The following MAP3K9 variants were observed in gnomAD, a reference collection of about 807,000 sequenced individuals.
MAP3K9 encodes the protein mixed lineage kinase 1 (tyr and ser/thr specificity).
A neutral mutation model predicts 95.8 loss-of-function variants in MAP3K9; 46 were observed. That is an observed-to-expected ratio of 0.48 (90% CI 0.38 to 0.61). The LOEUF (loss-of-function observed/expected upper bound fraction) is 0.61, where lower values mean the gene tolerates loss of function less well. MAP3K9 is among the 20% of genes least tolerant of loss of function. MAP3K9 has a pLI of 0.00. For missense variants in MAP3K9, 1,296 were observed against 1,474.3 expected (o/e 0.88, Z 1.98); for synonymous variants, 533 against 593.8 (o/e 0.90, Z 1.49).
intron 2 of MAP3K9, among the ~76,000 whole-genome samples, chr14:70,788,040 T>C (rs1231392395): frequency 1.3e-5 from 2 of 152,226 alleles, no homozygotes; most frequent in Non-Finnish European, 2.9e-5. Flanking sequence ...GACAAAAAGA[T>C]ACTTAATCGC....
chr14:70,758,623 A>G (rs1225311955), intron 3 of MAP3K9, among the ~76,000 whole-genome samples: 1 of 152,228 alleles, frequency 6.6e-6, no homozygotes, highest in Non-Finnish European at 1.5e-5. Flanking sequence ...TAGCAGCATT[A>G]TTTATAACAG....
intron 2 of MAP3K9, among the ~76,000 whole-genome samples, chr14:70,795,515 T>C (rs943719086): frequency 1.3e-5 from 2 of 149,984 alleles, no homozygotes; most frequent in Non-Finnish European, 3.0e-5. Context: ...TTTTGTTGTG[T>C]TGCCTAGGCT....
At chr14:70,783,774 G>A (rs1475210953) in intron 2 of MAP3K9, among the ~76,000 whole-genome samples, 1 of 152,180 alleles carries the variant, frequency 6.6e-6, no homozygotes, top group African/African-American at 2.4e-5. Flanking sequence ...AAATTCAGCT[G>A]CAAAGAAACA....
Position 70,745,961 on chromosome 14 carries a change from T to C in MAP3K9, c.1326+2868A>G, listed in dbSNP as rs554637268. Among the ~76,000 whole-genome samples, 16 of 152,322 alleles carry C rather than the reference T, an allele frequency of 1.1e-4. 1 individual carries two copies. Among genetic ancestry groups the C allele is most frequent in the African/African-American group, 3.6e-4 (15 of 41,576 alleles). ...TCCTGAGAGTTGAACTTGAACTACT[T>C]CTTCCTTGATGAAATAAACCTCAAA... On this transcript the variant is annotated intron_variant, in intron 5 of 11. Coordinates refer to ENST00000554752, the MANE Select transcript of MAP3K9 (RefSeq NM_001284230.2).
At chr14:70,749,124 G>T in intron 4 of MAP3K9, 120 bp from the exon 5 acceptor site, 1 of 972,486 alleles carries the variant, frequency 1.0e-6, no homozygotes, top group Non-Finnish European at 1.5e-6. Context: ...CAGAAACAGA[G>T]ATCAGAATTT....
In MAP3K9 at chr14:70,801,077, A is replaced by G. The variant is rs201937853; in HGVS notation, c.410T>C (p.Leu137Ser). Residue 137 changes from leucine (L) to serine (S), a missense_variant, in exon 2 of 12, where the codon TTA becomes TCA. Around this residue, in one of 5 missense-constraint regions of MAP3K9, gnomAD observed 338 missense variants for 363.4 expected, o/e 0.93. Coordinates refer to ENST00000554752, the MANE Select transcript of MAP3K9 (RefSeq NM_001284230.2). Reference protein sequence around the residue: ...DPSCYPPIQLLEIDFAELTLE... With the variant: ...DPSCYPPIQLSEIDFAELTLE... ...GGTGAGCTCCGCAAAATCAATTTCTAACACTGAGAAAGGGAAGAAAAAAAG... is the reference window on the plus strand; with the variant it reads ...GGTGAGCTCCGCAAAATCAATTTCTGACACTGAGAAAGGGAAGAAAAAAAG... 1.2e-6 allele frequency: 2 copies of G among 1,600,906 alleles called. No individual in the cohort carries two copies. The highest frequency in any genetic ancestry group is 2.7e-5 in the African/African-American group (2 of 74,560).
intron 9 of MAP3K9, 66 bp from the exon 10 acceptor site, chr14:70,734,564 T>TAGACCCATGGAGCTGA: frequency 1.1e-6 from 1 of 871,298 alleles, no homozygotes; most frequent in Non-Finnish European, 1.9e-6. Flanking sequence ...CTCAGCTCCA[T>TAGACCCATGGAGCTGA]GGGTCTATGG....
At chr14:70,787,090 G>C (rs889405908) in intron 2 of MAP3K9, among the ~76,000 whole-genome samples, 5 of 152,078 alleles carry the variant, frequency 3.3e-5, no homozygotes, top group African/African-American at 1.2e-4. Context: ...AGTTGTATCT[G>C]CACACTGGAA....
At chr14:70,808,737 C>A in intron 1 of MAP3K9, 29 bp downstream of exon 1, 2 of 1,438,464 alleles carry the variant, frequency 1.4e-6, no homozygotes, top group Non-Finnish European at 1.8e-6. Flanking sequence ...GTCATTCCCC[C>A]TCCCCGCCCG....
At chr14:70,767,374 A>G (rs1413092255) in intron 2 of MAP3K9, among the ~76,000 whole-genome samples, 2 of 108,658 alleles carry the variant, frequency 1.8e-5, no homozygotes, top group Non-Finnish European at 3.6e-5. Flanking sequence ...ACAGAGTGAC[A>G]CTCAGTCTCA....
chr14:70,774,417 G>A (rs933513946), intron 2 of MAP3K9, among the ~76,000 whole-genome samples: 4 of 152,202 alleles, frequency 2.6e-5, no homozygotes, highest in Admixed American at 2.0e-4. Context: ...TGTAATCTCA[G>A]CACTTTGGGA....
In MAP3K9 at chr14:70,809,195, G is replaced by C. The variant is rs1351975511; in HGVS notation, c.-24C>G. 2 of 1,297,016 alleles carry C rather than the reference G, an allele frequency of 1.5e-6. No homozygotes were observed. Among genetic ancestry groups the C allele is most frequent in the Non-Finnish European group, 1.9e-6 (2 of 1,029,082 alleles). The allele number at this position is 1,297,016 out of a possible 1,614,324, so 80.3% of individuals were successfully genotyped here. A position where few individuals can be genotyped will look rare whatever the true frequency, so the allele number is the denominator to read the frequency against. On this transcript the variant is annotated 5_prime_UTR_variant, in exon 1 of 12. Coordinates refer to ENST00000554752, the MANE Select transcript of MAP3K9 (RefSeq NM_001284230.2). ...ATGGAGCGGCCGATCCATAGGGTGC[G>C]GGGCCGCCGCCGCCCGCAGGAGCCG...
At chr14:70,764,496 T>C (rs2054422293) in intron 2 of MAP3K9, among the ~76,000 whole-genome samples, 2 of 151,562 alleles carry the variant, frequency 1.3e-5, no homozygotes, top group South Asian at 4.2e-4. Context: ...CTATGCCATG[T>C]CCCCTTTAGG....
At chr14:70,796,943 G>A (rs755938478) in intron 2 of MAP3K9, among the ~76,000 whole-genome samples, 5 of 152,170 alleles carry the variant, frequency 3.3e-5, no homozygotes, top group Non-Finnish European at 5.9e-5. Flanking sequence ...TTGGCTTTTC[G>A]GGCTACGTAC....
At chr14:70,772,837 T>C (rs575793051) in intron 2 of MAP3K9, among the ~76,000 whole-genome samples, 1 of 152,332 alleles carries the variant, frequency 6.6e-6, no homozygotes, top group East Asian at 1.9e-4. Context: ...AAGTAGGTAC[T>C]ATAACTATGC....
In MAP3K9 at chr14:70,798,471, G is replaced by GTTTTTTTTTTTTT. The variant is rs1170327816; in HGVS notation, c.820+2183_820+2195dup. Among the ~76,000 whole-genome samples, 28 of 65,434 alleles carry GTTTTTTTTTTTTT rather than the reference G, an allele frequency of 4.3e-4. 5 individuals carry two copies. The highest frequency in any genetic ancestry group is 5.7e-4 in the Non-Finnish European group (21 of 36,522). 42.9% of individuals were successfully genotyped at this position (65,434 alleles called of 152,430 possible). A position where few individuals can be genotyped will look rare whatever the true frequency, so the allele number is the denominator to read the frequency against. ...TTACTTTGAAAAGAGGTCACCAAAAGTTTTTTTTTTTTTTTTTTTTTTTTT... is the reference window on the plus strand; with the variant it reads ...TTACTTTGAAAAGAGGTCACCAAAAGTTTTTTTTTTTTTTTTTTTTTTTTTTTTTTTTTTTTTT... On this transcript the variant is annotated intron_variant, in intron 2 of 11. Transcript: ENST00000554752.
intron 2 of MAP3K9, among the ~76,000 whole-genome samples, chr14:70,796,405 G>A (rs534669632): frequency 6.6e-6 from 1 of 152,238 alleles, no homozygotes; most frequent in Non-Finnish European, 1.5e-5. Context: ...TTGTTTGGCT[G>A]TATGATGCTA....
intron 2 of MAP3K9, among the ~76,000 whole-genome samples, chr14:70,770,203 T>C (rs2054512257): frequency 6.6e-6 from 1 of 152,122 alleles, no homozygotes. Context: ...TTGTTTGTTT[T>C]TGAGTCTCAA....
chr14:70,775,670 T>C (rs979300684), intron 2 of MAP3K9, among the ~76,000 whole-genome samples: 2 of 152,204 alleles, frequency 1.3e-5, no homozygotes, highest in Non-Finnish European at 2.9e-5. Context: ...TACTTCTCAC[T>C]GGCAGGGACA....
Sources: allele counts gnomAD v4.1 joint callset (sites outside exome capture counted in the v4.1 genomes callset), GRCh38; gene constraint gnomAD v4.1.1; regional missense constraint gnomAD v4.1.1; transcripts MANE v1.5; gene names NCBI Gene and HGNC (gene_info 2026-07-23, HGNC 2026-07-21).